XPO7: variants seen among roughly 807,000 people sequenced by gnomAD.
XPO7 encodes the protein exportin 7.
A neutral mutation model predicts 144.3 loss-of-function variants in XPO7; 21 were observed. The ratio of observed to expected loss-of-function variants is 0.15; its 90% confidence interval spans 0.10 to 0.21. XPO7 has a LOEUF of 0.21. XPO7 is among the 10% of genes least tolerant of loss of function. The probability of loss-of-function intolerance (pLI) is 1.00; values close to 1 mark genes in which losing one functional copy is unlikely to be tolerated. For synonymous variants in XPO7, 580 were observed against 499.6 expected (o/e 1.16, Z -2.15); for missense variants, 808 against 1,325.8 (o/e 0.61, Z 6.06).
intron 1 of XPO7, among the ~76,000 whole-genome samples, chr8:21,921,097 C>G (rs542675363): frequency 6.6e-6 from 1 of 152,078 alleles, no homozygotes; most frequent in Non-Finnish European, 1.5e-5. Flanking sequence ...AAAGCCAGTA[C>G]CTTGGCTTAA....
In XPO7 at chr8:21,974,747, C is replaced by T; in HGVS notation, c.570C>T (p.Phe190=). The part of the protein sequence containing the change: ...SFRDSSLFDI[F]TLSCNLLKQA... ...GCGATTCATCATTATTTGATATCTT[C>T]ACACTTTCCTGCAATTTACTAAAAC... Residue 190 remains phenylalanine (F), a synonymous_variant, in exon 6 of 28, where the codon TTC becomes TTT. Transcript: ENST00000252512. 6.3e-7 allele frequency: 1 copy of T among 1,580,672 alleles called. No homozygotes were observed. The highest frequency in any genetic ancestry group is 1.3e-5 in the African/African-American group (1 of 74,614).
intron 7 of XPO7, 89 bp downstream of exon 7, chr8:21,976,610 G>A: frequency 2.1e-6 from 3 of 1,403,906 alleles, no homozygotes; most frequent in Non-Finnish European, 2.8e-6. Flanking sequence ...GGCAACTCCT[G>A]TGTATTCTGA....
At chr8:21,950,306 C>A (rs369632553) in intron 1 of XPO7, among the ~76,000 whole-genome samples, 1 of 152,150 alleles carries the variant, frequency 6.6e-6, no homozygotes, top group African/African-American at 2.4e-5. Flanking sequence ...GTTTCATAGA[C>A]GTTCAAGGAC....
intron 1 of XPO7, among the ~76,000 whole-genome samples, chr8:21,941,197 G>T (rs1432500448): frequency 3.3e-5 from 5 of 151,128 alleles, no homozygotes. Context: ...GAGTGCAGTG[G>T]CACAATCATG....
chr8:22,002,184 G>A lies in XPO7; in HGVS notation c.2855G>A (p.Arg952His), dbSNP rs368230317. The A allele has an allele frequency of 5.6e-6, 9 of 1,612,998 alleles. No homozygotes were observed. Among genetic ancestry groups the A allele is most frequent in the Non-Finnish European group, 6.8e-6 (8 of 1,179,534 alleles). The change falls in exon 25 of 28, where the codon CGT becomes CAT. Residue 952 changes from arginine to histidine, a missense_variant. Arg to His is a conservative substitution (Grantham distance 29). Around this residue, in one of 5 missense-constraint regions of XPO7, gnomAD observed 140 missense variants for 237.9 expected, o/e 0.59. Transcript: ENST00000252512. ...IVTYLFKQLSRSTKKRTTPLN... is the reference protein window; with the variant it reads ...IVTYLFKQLSHSTKKRTTPLN... ...ACATACCTCTTCAAGCAGCTGTCAC[G>A]TAGCACCAAGAAGAGGACCACACCC...
chr8:21,991,125 A>G (rs975543435), intron 18 of XPO7, among the ~76,000 whole-genome samples: 1 of 152,208 alleles, frequency 6.6e-6, no homozygotes, highest in African/African-American at 2.4e-5. Context: ...CTGCTCCTGA[A>G]GTTTTCATCT....
intron 8 of XPO7, 65 bp from the exon 9 acceptor site, chr8:21,980,019 G>A (rs1812352558): frequency 3.5e-6 from 5 of 1,441,018 alleles, no homozygotes; most frequent in Non-Finnish European, 4.6e-6. Flanking sequence ...GAGGTGGAAC[G>A]TTTCTGGTGA....
At chr8:21,942,186 T>C (rs888947099) in intron 1 of XPO7, among the ~76,000 whole-genome samples, 1 of 152,210 alleles carries the variant, frequency 6.6e-6, no homozygotes, top group Non-Finnish European at 1.5e-5. Context: ...GTGTTTAAAG[T>C]GGTGCAGGAC....
intron 11 of XPO7, among the ~76,000 whole-genome samples, chr8:21,983,480 A>G (rs866765947): frequency 8.5e-5 from 13 of 152,248 alleles, no homozygotes; most frequent in Admixed American, 2.6e-4. Flanking sequence ...TGGATTCTTA[A>G]TTTGCTTAGC....
intron 6 of XPO7, 130 bp downstream of exon 6, chr8:21,974,904 T>C (rs1812177829): frequency 5.5e-6 from 4 of 728,998 alleles, no homozygotes; most frequent in Non-Finnish European, 4.3e-6. Context: ...TCATCTCTTA[T>C]ATAAGACTCA....
At chr8:21,928,387 G>A (rs1411938445) in intron 1 of XPO7, among the ~76,000 whole-genome samples, 1 of 152,196 alleles carries the variant, frequency 6.6e-6, no homozygotes, top group African/African-American at 2.4e-5. Flanking sequence ...GAATAAAGAT[G>A]CTGTGAATAT....
intron 20 of XPO7, among the ~76,000 whole-genome samples, chr8:21,994,748 T>G (rs1056095854): frequency 2.6e-5 from 4 of 152,080 alleles, no homozygotes; most frequent in Admixed American, 6.6e-5. Flanking sequence ...GAGAGATGTT[T>G]CAGTCTGCTG....
In XPO7 at chr8:21,999,396, A is replaced by T. The variant is rs533127743; in HGVS notation, c.2643+91A>T. 8.9e-6 allele frequency: 14 copies of T among 1,579,940 alleles called. No homozygotes were observed. The South Asian group carries it at 1.5e-4, about 17-fold the overall frequency. The stretch of plus-strand genomic sequence containing the variant: ...CAAGATTGAACACTGCTCTTGAGAA[A>T]CTATGTAAGCTAGCTCCTTTTGCTC... On this transcript the variant is annotated intron_variant, in intron 23 of 27. Coordinates refer to ENST00000252512, the MANE Select transcript of XPO7 (RefSeq NM_015024.5).
chr8:21,987,714 G>T, intron 14 of XPO7, 70 bp from the exon 15 acceptor site: 1 of 1,557,756 alleles, frequency 6.4e-7, no homozygotes, highest in East Asian at 2.3e-5. Flanking sequence ...CATGAGTGTG[G>T]ACAAAAATAG....
chr8:22,001,033 C>T lies in XPO7; in HGVS notation c.2783-1079C>T, dbSNP rs139300102. 2.5e-3 allele frequency among the ~76,000 whole-genome samples: 377 copies of T among 152,158 alleles called. 1 individual carries two copies. Among genetic ancestry groups the T allele is most frequent in the African/African-American group, 8.5e-3 (352 of 41,530 alleles). ...ACTTTTTTATGTCTTATTGAAAATA[C>T]AGGGACCTGGCCGGGCGTGGTGGCT... On this transcript the variant is annotated intron_variant, in intron 24 of 27. Coordinates refer to ENST00000252512, the MANE Select transcript of XPO7 (RefSeq NM_015024.5).
chr8:21,948,979 A>G (rs982471935), intron 1 of XPO7, among the ~76,000 whole-genome samples: 1 of 152,220 alleles, frequency 6.6e-6, no homozygotes, highest in African/African-American at 2.4e-5. Context: ...ACCAGGAAAT[A>G]TGCCCCTCAG....
chr8:21,970,398 A>G, intron 4 of XPO7, 88 bp downstream of exon 4: 1 of 1,089,952 alleles, frequency 9.2e-7, no homozygotes. Context: ...ACACAACTTA[A>G]CACGCTTATC....
At position 21,963,637 on chromosome 8, in the gene XPO7, G is replaced by T. The variant is rs192818178; in HGVS notation, c.19-3220G>T. Among the ~76,000 whole-genome samples, 32 of 151,714 alleles carry T rather than the reference G, an allele frequency of 2.1e-4. No homozygotes were observed. The East Asian group carries it at 5.2e-3, about 25-fold the overall frequency. The stretch of plus-strand genomic sequence containing the variant: ...TTGAACCCAGGAGGCGGAGGTTACA[G>T]TGAGCCGAGATCACATCACTGCACT... On this transcript the variant is annotated intron_variant, in intron 1 of 27. Transcript: ENST00000252512.
intron 1 of XPO7, chr8:21,966,263 CA>C (rs1392037249): frequency 2.6e-6 from 2 of 779,544 alleles, no homozygotes; most frequent in Non-Finnish European, 4.8e-6. Context: ...GTTTAAAGTG[CA>C]ACAGAAGAGA....
Sources: gnomAD v4.1 joint callset for allele counts (sites outside exome capture counted in the v4.1 genomes callset) on GRCh38, gnomAD v4.1.1 for gene constraint, gnomAD v4.1.1 regional missense constraint, MANE v1.5 for transcripts, NCBI Gene and HGNC (gene_info 2026-07-23, HGNC 2026-07-21) for gene names.